The following SCAF4 variants were observed in gnomAD, a reference collection of about 807,000 sequenced individuals.
SCAF4 encodes the protein SR-related CTD associated factor 4.
Under a neutral mutation model 129.8 loss-of-function variants are expected in SCAF4, and 25 were observed. That is an observed-to-expected ratio of 0.19 (90% CI 0.14 to 0.27). The LOEUF (loss-of-function observed/expected upper bound fraction) is 0.27, where lower values mean the gene tolerates loss of function less well. SCAF4 is among the 10% of genes least tolerant of loss of function. SCAF4 has a pLI of 1.00. For synonymous variants in SCAF4, 551 were observed against 497.7 expected (o/e 1.11, Z -1.43); for missense variants, 1,246 against 1,457.1 (o/e 0.86, Z 2.36).
intron 19 of SCAF4, among the ~76,000 whole-genome samples, chr21:31,682,904 T>A (rs529700441): frequency 1.4e-4 from 22 of 152,338 alleles, no homozygotes; most frequent in African/African-American, 5.3e-4. Flanking sequence ...TTAACTTGCA[T>A]ACACATTTAA....
intron 19 of SCAF4, chr21:31,684,762 T>G: frequency 5.0e-6 from 2 of 400,378 alleles, no homozygotes; most frequent in Non-Finnish European, 9.2e-6. Context: ...TAATCATTTT[T>G]CTATACCAAA....
chr21:31,721,192 G>C (rs938139888), intron 1 of SCAF4, among the ~76,000 whole-genome samples: 1 of 151,962 alleles, frequency 6.6e-6, no homozygotes, highest in Non-Finnish European at 1.5e-5. Context: ...CTGTCTCTAC[G>C]GGTTTGCTTT....
intron 1 of SCAF4, among the ~76,000 whole-genome samples, chr21:31,719,344 A>G (rs2051015927): frequency 6.6e-6 from 1 of 152,052 alleles, no homozygotes; most frequent in Admixed American, 6.6e-5. Flanking sequence ...ATAATACACA[A>G]TGGTTTAAAC....
intron 1 of SCAF4, among the ~76,000 whole-genome samples, chr21:31,710,774 T>A (rs2050782251): frequency 1.3e-5 from 2 of 152,194 alleles, no homozygotes; most frequent in Non-Finnish European, 2.9e-5. Flanking sequence ...GCAAGTGACA[T>A]CAGTTTTTGA....
At chr21:31,708,119 G>A (rs992741067) in intron 1 of SCAF4, among the ~76,000 whole-genome samples, 21 of 151,874 alleles carry the variant, frequency 1.4e-4, no homozygotes, top group African/African-American at 5.1e-4. Context: ...CAGGCGCGGT[G>A]GCTCATGCCT....
chr21:31,731,401 G>A (rs562367657), intron 1 of SCAF4, among the ~76,000 whole-genome samples: 13 of 152,332 alleles, frequency 8.5e-5, no homozygotes, highest in African/African-American at 2.6e-4. Flanking sequence ...CTTGGGCTAT[G>A]GGAGGCCGCA....
Position 31,701,871 on chromosome 21 carries a change from C to T in SCAF4, c.505G>A (p.Ala169Thr). 1 of 1,613,930 alleles carries T rather than the reference C, an allele frequency of 6.2e-7. No homozygotes were observed. Among genetic ancestry groups the T allele is most frequent in the South Asian group, 1.1e-5 (1 of 91,062 alleles). ...VKVSSEPPTQ[A>T]TPNSVPAVPQ... ...ACAGCTGGGACGGAGTTTGGAGTGG[C>T]TTGTGTGGGAGGTTCAGAAGAAACT... The change falls in exon 6 of 20, where the codon GCC becomes ACC. Residue 169 changes from alanine (A) to threonine (T), a missense_variant. By Grantham distance (58) the Ala-to-Thr change is moderately conservative (BLOSUM62 0). This residue lies in a region of SCAF4 where 143 missense variants were observed against 161.0 expected (regional missense o/e 0.89). Transcript: ENST00000286835.
At chr21:31,723,609 G>GTTT (rs112184778) in intron 1 of SCAF4, among the ~76,000 whole-genome samples, 1 of 146,038 alleles carries the variant, frequency 6.8e-6, no homozygotes, top group African/African-American at 2.5e-5. Flanking sequence ...TGATTTATAT[G>GTTT]ATGTGTGTGT....
intron 6 of SCAF4, 96 bp downstream of exon 6, chr21:31,701,680 C>T: frequency 1.5e-6 from 2 of 1,304,240 alleles, no homozygotes; most frequent in South Asian, 3.2e-5. Context: ...GACGTATTTT[C>T]TCCTTTCAAT....
chr21:31,696,838 C>T, intron 7 of SCAF4, 88 bp from the exon 8 acceptor site: 2 of 1,102,246 alleles, frequency 1.8e-6, no homozygotes, highest in Non-Finnish European at 2.6e-6. Flanking sequence ...TGTTTACCAC[C>T]ATCTAGAAAC....
At position 31,694,185 on chromosome 21, in the gene SCAF4, A is replaced by C. The variant is rs1049404377; in HGVS notation, c.1322+19T>G. The C allele has an allele frequency of 2.0e-6, 3 of 1,505,856 alleles. No homozygotes were observed. The highest frequency in any genetic ancestry group is 2.8e-5 in the African/African-American group (2 of 72,522). The allele number at this position is 1,505,856 out of a possible 1,614,324, so 93.3% of individuals were successfully genotyped here. ...CCCTAAGATATACAGGGTTGGAAAA[A>C]ACATTTTCTATAAATTACCTGGATG... is the stretch of plus-strand genomic sequence containing the variant. On this transcript the variant is annotated intron_variant, in intron 11 of 19. Transcript: ENST00000286835.
intron 15 of SCAF4, 42 bp from the exon 16 acceptor site, chr21:31,688,506 A>G (rs758475831): frequency 3.8e-5 from 57 of 1,518,392 alleles, no homozygotes; most frequent in Admixed American, 7.2e-5. Context: ...TACCATTTTC[A>G]GTTTGTAACT....
chr21:31,724,828 A>G (rs1248921633), intron 1 of SCAF4, among the ~76,000 whole-genome samples: 1 of 152,192 alleles, frequency 6.6e-6, no homozygotes, highest in Non-Finnish European at 1.5e-5. Flanking sequence ...CCATTATTCT[A>G]ATTGCTCTCT....
At chr21:31,700,759 AC>A in intron 7 of SCAF4, 1 of 261,850 alleles carries the variant, frequency 3.8e-6, no homozygotes, top group Non-Finnish European at 6.5e-6. Context: ...TTTTTTTTTC[AC>A]TTTTTTAATT....
intron 1 of SCAF4, among the ~76,000 whole-genome samples, chr21:31,722,845 C>G (rs1438200089): frequency 6.6e-6 from 1 of 151,980 alleles, no homozygotes; most frequent in East Asian, 1.9e-4. Flanking sequence ...CCCAGCTAGT[C>G]AGGAGGCTGA....
At chr21:31,704,842 T>C (rs529879394) in intron 3 of SCAF4, among the ~76,000 whole-genome samples, 3 of 152,306 alleles carry the variant, frequency 2.0e-5, no homozygotes, top group African/African-American at 7.2e-5. Context: ...TGTTGGAACT[T>C]TAACTTTTAT....
chr21:31,714,143 G>GT (rs1414750735), intron 1 of SCAF4, among the ~76,000 whole-genome samples: 1 of 151,982 alleles, frequency 6.6e-6, no homozygotes, highest in Non-Finnish European at 1.5e-5. Flanking sequence ...TGCTTGATAG[G>GT]TATCAGTTTC....
intron 1 of SCAF4, among the ~76,000 whole-genome samples, chr21:31,727,221 G>A (rs1467149982): frequency 6.6e-6 from 1 of 152,038 alleles, no homozygotes; most frequent in Non-Finnish European, 1.5e-5. Flanking sequence ...TGGGATTACA[G>A]GCGCCTACCA....
intron 1 of SCAF4, chr21:31,706,627 T>C: frequency 2.4e-6 from 1 of 415,492 alleles, no homozygotes; most frequent in East Asian, 4.5e-5. Flanking sequence ...CAAGAGGCAA[T>C]CGGCATGGCT....
Sources: gnomAD v4.1 joint callset for allele counts (sites outside exome capture counted in the v4.1 genomes callset) on GRCh38, gnomAD v4.1.1 for gene constraint, gnomAD v4.1.1 regional missense constraint, MANE v1.5 for transcripts, NCBI Gene and HGNC (gene_info 2026-07-23, HGNC 2026-07-21) for gene names.